Variants in CLCN5 observed in about 807,000 individuals in gnomAD.
The protein encoded by CLCN5 is Cl-/H+ antiporter 5.
In CLCN5, 17 loss-of-function variants were observed where a neutral mutation model predicts 54.0. That is an observed-to-expected ratio of 0.31 (90% CI 0.22 to 0.47). CLCN5 has a LOEUF of 0.47. Ranked by LOEUF, CLCN5 falls within the 20% of genes least tolerant of loss-of-function variation. CLCN5 has a pLI of 1.00. For missense variants in CLCN5, 448 were observed against 646.7 expected (o/e 0.69, Z 3.33); for synonymous variants, 222 against 233.0 (o/e 0.95, Z 0.43).
intron 9 of CLCN5, among the ~76,000 whole-genome samples, chrX:50,085,275 A>G (rs891734251): frequency 8.9e-6 from 1 of 112,027 alleles, no homozygotes; most frequent in Non-Finnish European, 1.9e-5. Context: ...TACATTTTAC[A>G]TGTACACACA....
At chrX:49,942,103 A>C (rs1440017982) in intron 3 of CLCN5, among the ~76,000 whole-genome samples, 1 of 101,570 alleles carries the variant, frequency 9.8e-6, no homozygotes, top group African/African-American at 3.6e-5. Context: ...GAACTCAATA[A>C]ATTGAACACC....
chrX:50,072,156 G>A (rs782229475), intron 5 of CLCN5, among the ~76,000 whole-genome samples: 1 of 111,900 alleles, frequency 8.9e-6, no homozygotes, highest in South Asian at 3.7e-4. Context: ...ACTATTTGCT[G>A]TGAGTCAAGA....
chrX:49,995,238 A>G (rs185745493), intron 3 of CLCN5, among the ~76,000 whole-genome samples: 15 of 111,712 alleles, frequency 1.3e-4, no homozygotes, highest in African/African-American at 4.6e-4. Flanking sequence ...TTCCTGAATT[A>G]GTAAGTCACT....
chrX:50,086,198 T>C (rs782816204), intron 10 of CLCN5, 130 bp from the exon 11 acceptor site: 1 of 890,235 alleles, frequency 1.1e-6, no homozygotes, highest in African/African-American at 2.0e-5. Context: ...CTTGGTGCTT[T>C]ACCATGTGAC....
intron 3 of CLCN5, among the ~76,000 whole-genome samples, chrX:49,952,103 A>C (rs957114342): frequency 8.9e-6 from 1 of 112,137 alleles, no homozygotes; most frequent in Non-Finnish European, 1.9e-5. Context: ...CTTGAAATTT[A>C]GATTTAACTT....
intron 3 of CLCN5, among the ~76,000 whole-genome samples, chrX:49,988,943 T>C (rs1929114803): frequency 9.0e-6 from 1 of 111,118 alleles, no homozygotes; most frequent in Admixed American, 9.6e-5. Flanking sequence ...GAATGCCCTG[T>C]CTTTTTCAGC....
intron 9 of CLCN5, chrX:50,085,724 G>C: frequency 2.5e-6 from 1 of 394,480 alleles, no homozygotes. Flanking sequence ...GGGCGGGGGG[G>C]CGGTGCATAA....
At chrX:50,058,828 CT>C (rs1158849077) in intron 4 of CLCN5, among the ~76,000 whole-genome samples, 5 of 107,923 alleles carry the variant, frequency 4.6e-5, no homozygotes, top group Non-Finnish European at 7.7e-5. Context: ...ATAAGTTTTA[CT>C]TTTTTTTTTC....
At chrX:49,950,286 T>C (rs1601969650) in intron 3 of CLCN5, among the ~76,000 whole-genome samples, 1 of 112,188 alleles carries the variant, frequency 8.9e-6, no homozygotes, top group East Asian at 2.8e-4. Context: ...TAGACAACTA[T>C]GTAAAAGACA....
chrX:50,007,379 GTC>G (rs1212507560), intron 3 of CLCN5, among the ~76,000 whole-genome samples: 3 of 43,268 alleles, frequency 6.9e-5, no homozygotes, highest in Admixed American at 2.5e-4. Context: ...CTCATTTTCT[GTC>G]TCTCTCTCTC....
intron 3 of CLCN5, among the ~76,000 whole-genome samples, chrX:49,941,759 T>A (rs1237721965): frequency 9.0e-6 from 1 of 110,522 alleles, no homozygotes; most frequent in Non-Finnish European, 1.9e-5. Context: ...ATTCCAGTCT[T>A]TCTACCCGAT....
chrX:50,070,297 A>G (rs1933178503), intron 5 of CLCN5, among the ~76,000 whole-genome samples: 1 of 112,330 alleles, frequency 8.9e-6, no homozygotes, highest in Non-Finnish European at 1.9e-5. Flanking sequence ...GCTTGCACAT[A>G]ATTTTTATCC....
chrX:50,060,144 G>A (rs896049717), intron 4 of CLCN5, among the ~76,000 whole-genome samples: 5 of 109,654 alleles, frequency 4.6e-5, no homozygotes, highest in Admixed American at 9.8e-5. Context: ...GACAGTCACG[G>A]GGGGAGGAGC....
chrX:50,060,329 G>A (rs1408012388), intron 4 of CLCN5, among the ~76,000 whole-genome samples: 1 of 110,802 alleles, frequency 9.0e-6, no homozygotes, highest in African/African-American at 3.3e-5. Flanking sequence ...GCAGGGCGAG[G>A]CATTGCCTCA....
At chrX:49,973,103 G>T (rs1214292148) in intron 3 of CLCN5, among the ~76,000 whole-genome samples, 1 of 111,128 alleles carries the variant, frequency 9.0e-6, no homozygotes, top group African/African-American at 3.3e-5. Flanking sequence ...CTCCTCTAGA[G>T]CACCTCCTCT....
intron 3 of CLCN5, chrX:50,013,148 A>G (rs189486217): frequency 4.3e-4 from 110 of 254,226 alleles, no homozygotes; most frequent in African/African-American, 2.8e-3. Context: ...CTCTCAATCA[A>G]TCAATCAATC....
intron 3 of CLCN5, among the ~76,000 whole-genome samples, chrX:49,966,270 C>G (rs1557175427): frequency 9.0e-6 from 1 of 111,506 alleles, no homozygotes; most frequent in African/African-American, 3.2e-5. Context: ...TTCAAGATAT[C>G]TACTTCTTCA....
chrX:50,088,764 G>A lies in CLCN5; in HGVS notation c.1624G>A (p.Gly542Arg), dbSNP rs1557194339. 1 of 1,211,504 alleles carries A rather than the reference G, an allele frequency of 8.3e-7. No individual in the cohort carries two copies. The highest frequency in any genetic ancestry group is 1.1e-6 in the Non-Finnish European group (1 of 895,167). ...TATAGCAGGTCGACTTCTAGGAGTA[G>A]GAATGGAACAGCTGGCTTATTACCA... Reference protein sequence around the residue: ...GAIAGRLLGVGMEQLAYYHQE... With the variant: ...GAIAGRLLGVRMEQLAYYHQE... The change falls in exon 12 of 15, where the codon GGA becomes AGA. Residue 542 changes from glycine (G) to arginine (R), a missense_variant. This residue lies in a region of CLCN5 where 297 missense variants were observed against 470.4 expected (regional missense o/e 0.63). Coordinates refer to ENST00000376091, the MANE Select transcript of CLCN5 (RefSeq NM_001127898.4).
chrX:50,054,962 A>G (rs1325553873), intron 4 of CLCN5, among the ~76,000 whole-genome samples: 6 of 111,421 alleles, frequency 5.4e-5, no homozygotes, highest in African/African-American at 2.0e-4. Flanking sequence ...TATGTGCCAT[A>G]TGTTTCTAAG....
Sources: gnomAD v4.1 joint callset for allele counts (sites outside exome capture counted in the v4.1 genomes callset) on GRCh38, gnomAD v4.1.1 for gene constraint, gnomAD v4.1.1 regional missense constraint, MANE v1.5 for transcripts, NCBI Gene and HGNC (gene_info 2026-07-23, HGNC 2026-07-21) for gene names.